The following SV2C variants were observed in gnomAD, a reference collection of about 807,000 sequenced individuals.
SV2C encodes solute carrier family 22 member B3.
SV2C carries 49 observed loss-of-function variants against 79.7 expected under a neutral mutation model. That is an observed-to-expected ratio of 0.61 (90% CI 0.49 to 0.78). SV2C has a LOEUF of 0.78. SV2C is among the 30% of genes least tolerant of loss of function. SV2C has a pLI of 0.00. For synonymous variants in SV2C, 334 were observed against 333.2 expected, an observed-to-expected ratio of 1.00 and a Z score of -0.03; for missense variants, 833 against 912.9, an observed-to-expected ratio of 0.91 and a Z score of 1.13.
the SV2C span, among the ~76,000 whole-genome samples, chr5:75,893,082 A>G: frequency 6.6e-6 from 1 of 152,060 alleles, no homozygotes; most frequent in African/African-American, 2.4e-5. Flanking sequence ...CCTCACCAAC[A>G]TCTGTTATTT....
chr5:75,970,383 G>A, the SV2C span, among the ~76,000 whole-genome samples: 1 of 151,918 alleles, frequency 6.6e-6, no homozygotes, highest in African/African-American at 2.4e-5. Flanking sequence ...ATGAATCCAG[G>A]AGCTGGTTTT....
the SV2C span, among the ~76,000 whole-genome samples, chr5:75,907,541 G>A: frequency 1.4e-4 from 21 of 152,128 alleles, no homozygotes; most frequent in Non-Finnish European, 2.6e-4. Flanking sequence ...AGAAAGAGAA[G>A]AGCCCATGAG....
intron 4 of SV2C, among the ~76,000 whole-genome samples, chr5:76,224,742 T>C (rs1371181665): frequency 6.6e-6 from 1 of 151,972 alleles, no homozygotes; most frequent in Non-Finnish European, 1.5e-5. Context: ...CCAGAAGGAG[T>C]ACTCCCTTAA....
the SV2C span, among the ~76,000 whole-genome samples, chr5:76,004,140 A>G: frequency 6.6e-6 from 1 of 152,170 alleles, no homozygotes. Context: ...CAAATCAAGA[A>G]ATTATGATAT....
intron 12 of SV2C, among the ~76,000 whole-genome samples, chr5:76,323,766 C>A (rs1748901413): frequency 6.6e-6 from 1 of 152,164 alleles, no homozygotes; most frequent in African/African-American, 2.4e-5. Context: ...AAGCCATTAT[C>A]CTCAGCAAAC....
the SV2C span, among the ~76,000 whole-genome samples, chr5:75,851,450 G>C: frequency 6.6e-6 from 1 of 152,186 alleles, no homozygotes; most frequent in Non-Finnish European, 1.5e-5. Context: ...AGGCTAGGAT[G>C]TGAAAAGATG....
At chr5:76,041,357 T>G in the SV2C span, among the ~76,000 whole-genome samples, 4 of 152,158 alleles carry the variant, frequency 2.6e-5, no homozygotes, top group African/African-American at 7.2e-5. Context: ...CTCATGCACA[T>G]GTGTGTGAAC....
At chr5:76,002,569 G>A in the SV2C span, among the ~76,000 whole-genome samples, 2 of 152,192 alleles carry the variant, frequency 1.3e-5, no homozygotes, top group Non-Finnish European at 2.9e-5. Context: ...TGTATGCTAT[G>A]TGAATTAGAT....
At chr5:76,022,293 G>A in the SV2C span, among the ~76,000 whole-genome samples, 2 of 152,188 alleles carry the variant, frequency 1.3e-5, no homozygotes, top group African/African-American at 4.8e-5. Context: ...AGTGACAGAT[G>A]CCAGGAGAAC....
the SV2C span, among the ~76,000 whole-genome samples, chr5:75,986,938 C>G: frequency 2.0e-5 from 3 of 151,918 alleles, no homozygotes; most frequent in Admixed American, 2.0e-4. Flanking sequence ...ATGTTTTCCT[C>G]TGGGGTATGG....
the SV2C span, among the ~76,000 whole-genome samples, chr5:75,857,551 C>G: frequency 6.6e-6 from 1 of 152,000 alleles, no homozygotes; most frequent in African/African-American, 2.4e-5. Context: ...ATGATTCTTC[C>G]AGTTTTGTTC....
chr5:76,005,309 G>C, the SV2C span, among the ~76,000 whole-genome samples: 1 of 152,086 alleles, frequency 6.6e-6, no homozygotes, highest in Non-Finnish European at 1.5e-5. Context: ...ATAAATGTTT[G>C]AAAGACCAAA....
chr5:76,330,280 G>A lies in SV2C; in HGVS notation c.*4733G>A, dbSNP rs1000798881. The A allele has an allele frequency of 1.2e-4, 18 of 152,208 alleles. No individual in the cohort carries two copies. The East Asian group carries it at 3.3e-3, about 28-fold the overall frequency. The allele number at this position is 152,208 out of a possible 1,614,324, so 9.4% of individuals were successfully genotyped here. On this transcript the variant is annotated 3_prime_UTR_variant, in exon 13 of 13. Coordinates refer to ENST00000502798, the MANE Select transcript of SV2C (RefSeq NM_014979.4). ...ATCTAAATGCAGTTTAGTAATCCCA[G>A]GATTTTGAGTTACAAGAATACAGTT... is the stretch of plus-strand genomic sequence containing the variant.
chr5:75,906,676 A>C, the SV2C span, among the ~76,000 whole-genome samples: 2,517 of 152,120 alleles, frequency 0.017, 36 homozygotes, highest in African/African-American at 0.043. Context: ...TTTTCTGCTG[A>C]CTTCAACTTC....
intron 4 of SV2C, among the ~76,000 whole-genome samples, chr5:76,223,040 T>A (rs1401098898): frequency 2.0e-5 from 3 of 152,186 alleles, no homozygotes; most frequent in African/African-American, 7.2e-5. Context: ...CAACTGCCTC[T>A]ACAGTGTGCA....
chr5:75,915,391 G>T, the SV2C span, among the ~76,000 whole-genome samples: 2 of 152,196 alleles, frequency 1.3e-5, no homozygotes, highest in South Asian at 4.1e-4. Flanking sequence ...AATGAAGTAA[G>T]TAGGATTCCT....
At chr5:76,076,595 T>C in the SV2C span, among the ~76,000 whole-genome samples, 1 of 152,202 alleles carries the variant, frequency 6.6e-6, no homozygotes, top group Non-Finnish European at 1.5e-5. Flanking sequence ...CTCCTCCACA[T>C]AGGATTTGCA....
At chr5:76,025,327 A>G in the SV2C span, among the ~76,000 whole-genome samples, 1 of 152,158 alleles carries the variant, frequency 6.6e-6, no homozygotes, top group African/African-American at 2.4e-5. Flanking sequence ...TCTGCCAGCA[A>G]ACATTGGTGA....
At chr5:75,912,921 A>G in the SV2C span, among the ~76,000 whole-genome samples, 6 of 152,226 alleles carry the variant, frequency 3.9e-5, no homozygotes, top group South Asian at 2.1e-4. Flanking sequence ...GGTGAGTTGG[A>G]ATAAACCTAG....
Sources: gnomAD v4.1 joint callset for allele counts (sites outside exome capture counted in the v4.1 genomes callset) on GRCh38, gnomAD v4.1.1 for gene constraint, MANE v1.5 for transcripts, NCBI Gene and HGNC (gene_info 2026-07-23, HGNC 2026-07-21) for gene names.